The following KCNIP4 variants were observed in gnomAD, a reference collection of about 807,000 sequenced individuals.
KCNIP4 encodes potassium voltage-gated channel interacting protein 4, also known as Kv channel-interacting protein 4.
Under a neutral mutation model 34.0 loss-of-function variants are expected in KCNIP4, and 12 were observed. That is an observed-to-expected ratio of 0.35 (90% CI 0.23 to 0.57). KCNIP4 has a LOEUF of 0.57. KCNIP4 is among the 20% of genes least tolerant of loss of function. The probability of loss-of-function intolerance (pLI) is 0.83; values close to 1 mark genes in which losing one functional copy is unlikely to be tolerated. For missense variants in KCNIP4, 238 were observed against 311.7 expected (o/e 0.76, Z 1.78); for synonymous variants, 124 against 102.2 (o/e 1.21, Z -1.29).
intron 1 of KCNIP4, among the ~76,000 whole-genome samples, chr4:21,291,914 A>G (rs1254847196): frequency 1.1e-5 from 1 of 92,364 alleles, no homozygotes; most frequent in Non-Finnish European, 1.9e-5. Flanking sequence ...AAAGAAAGAA[A>G]GAAAGAAAGA....
intron 3 of KCNIP4, among the ~76,000 whole-genome samples, chr4:20,781,583 G>T (rs139179579): frequency 1.3e-5 from 2 of 152,266 alleles, no homozygotes; most frequent in African/African-American, 4.8e-5. Flanking sequence ...GAAGATGAAA[G>T]AATGAAACCT....
chr4:21,076,308 C>T (rs1197997357), intron 1 of KCNIP4, among the ~76,000 whole-genome samples: 2 of 151,986 alleles, frequency 1.3e-5, no homozygotes, highest in Non-Finnish European at 2.9e-5. Flanking sequence ...CCTCATCTCC[C>T]ACATGAATAT....
intron 3 of KCNIP4, among the ~76,000 whole-genome samples, chr4:20,832,301 A>G (rs1210057130): frequency 2.6e-5 from 4 of 152,190 alleles, no homozygotes; most frequent in African/African-American, 9.7e-5. Flanking sequence ...ATAATTGCCT[A>G]GAGTTGAAGT....
rs1211617062 is a variant in KCNIP4 at position 21,291,867 on chromosome 4, AAAAGAAAGAAAGAAAGAAAGAAAGAAAG to A, written c.62-409186_62-409159del. On this transcript the variant is annotated intron_variant, in intron 1 of 8. Coordinates refer to ENST00000382152, the MANE Select transcript of KCNIP4 (RefSeq NM_025221.6). ...AGACTCCGCCTCAAAAAAAAAAAAA[AAAAGAAAGAAAGAAAGAAAGAAAGAAAG>A]AAAGAAAGAAAGAAAGAAAGAAAGA... is the stretch of plus-strand genomic sequence containing the variant. Among the ~76,000 whole-genome samples the A allele has an allele frequency of 5.7e-3, 291 of 51,110 alleles. 20 individuals are homozygous for A. The highest frequency in any genetic ancestry group is 7.3e-3 in the South Asian group (7 of 960). The allele number at this position is 51,110 out of a possible 152,430, so 33.5% of individuals were successfully genotyped here.
intron 1 of KCNIP4, chr4:21,697,482 C>T: frequency 6.6e-7 from 1 of 1,522,574 alleles, no homozygotes. Context: ...GAAGTCTTTG[C>T]CAATAATAAT....
chr4:21,357,919 C>T (rs1718810959), intron 1 of KCNIP4, among the ~76,000 whole-genome samples: 1 of 152,068 alleles, frequency 6.6e-6, no homozygotes, highest in Non-Finnish European at 1.5e-5. Flanking sequence ...GGAACTAACC[C>T]AAATGTCCAT....
At chr4:21,260,118 G>GTT (rs1761372101) in intron 1 of KCNIP4, among the ~76,000 whole-genome samples, 2 of 152,164 alleles carry the variant, frequency 1.3e-5, no homozygotes, top group Admixed American at 6.5e-5. Context: ...AGTTCTGAGA[G>GTT]TTTTGACCTT....
At chr4:20,903,047 T>G (rs1727341958) in intron 1 of KCNIP4, among the ~76,000 whole-genome samples, 1 of 152,170 alleles carries the variant, frequency 6.6e-6, no homozygotes, top group Non-Finnish European at 1.5e-5. Flanking sequence ...TAAAATTAGA[T>G]ATCATAAACC....
chr4:21,900,887 T>G (rs189086148), intron 1 of KCNIP4, among the ~76,000 whole-genome samples: 66 of 152,318 alleles, frequency 4.3e-4, no homozygotes, highest in African/African-American at 1.4e-3. Flanking sequence ...ACAGTTCATC[T>G]TACGAATGTA....
intron 1 of KCNIP4, among the ~76,000 whole-genome samples, chr4:21,413,091 G>A (rs1231971152): frequency 6.6e-6 from 1 of 152,280 alleles, no homozygotes; most frequent in Middle Eastern, 3.4e-3. Flanking sequence ...ACAATAACTG[G>A]TTACAGAATT....
chr4:21,073,441 C>T (rs1009665447), intron 1 of KCNIP4, among the ~76,000 whole-genome samples: 3 of 152,104 alleles, frequency 2.0e-5, no homozygotes, highest in Non-Finnish European at 4.4e-5. Flanking sequence ...ATTTGGCTCT[C>T]TGTTATTGGT....
At chr4:21,275,283 T>C (rs1041512995) in intron 1 of KCNIP4, among the ~76,000 whole-genome samples, 1 of 152,176 alleles carries the variant, frequency 6.6e-6, no homozygotes, top group African/African-American at 2.4e-5. Context: ...GAGTGCTCCT[T>C]TATACCATGA....
chr4:21,106,494 C>T, intron 1 of KCNIP4, among the ~76,000 whole-genome samples: 1 of 151,236 alleles, frequency 6.6e-6, no homozygotes, highest in Non-Finnish European at 1.5e-5. Context: ...CTCTTTTATT[C>T]TTTATTAGTC....
At chr4:21,467,003 A>C (rs573666541) in intron 1 of KCNIP4, among the ~76,000 whole-genome samples, 19 of 152,046 alleles carry the variant, frequency 1.2e-4, no homozygotes, top group East Asian at 1.2e-3. Context: ...CTTTTCTGAA[A>C]TATGTCATGG....
chr4:21,496,267 A>G (rs1732842359), intron 1 of KCNIP4, among the ~76,000 whole-genome samples: 1 of 152,166 alleles, frequency 6.6e-6, no homozygotes, highest in Admixed American at 6.6e-5. Context: ...AGCTAGGGCT[A>G]ATGTATATTG....
chr4:21,389,070 G>T (rs908669433), intron 1 of KCNIP4, among the ~76,000 whole-genome samples: 4 of 150,954 alleles, frequency 2.6e-5, no homozygotes, highest in African/African-American at 9.8e-5. Context: ...TTGCAGCCTT[G>T]ACCTCCCTGG....
At chr4:21,098,974 A>G (rs1255416547) in intron 1 of KCNIP4, among the ~76,000 whole-genome samples, 1 of 152,180 alleles carries the variant, frequency 6.6e-6, no homozygotes, top group Non-Finnish European at 1.5e-5. Flanking sequence ...ACCAACAGAC[A>G]CTGACGAGGC....
At chr4:21,023,526 A>T (rs1030637861) in intron 1 of KCNIP4, among the ~76,000 whole-genome samples, 1 of 152,174 alleles carries the variant, frequency 6.6e-6, no homozygotes, top group Non-Finnish European at 1.5e-5. Context: ...CTGAATATAA[A>T]TTTCTTCCAA....
chr4:21,357,808 C>T (rs1718796058), intron 1 of KCNIP4, among the ~76,000 whole-genome samples: 1 of 152,128 alleles, frequency 6.6e-6, no homozygotes, highest in South Asian at 2.1e-4. Flanking sequence ...ACCCAGCCAT[C>T]CTATTACTGG....
Sources: gnomAD v4.1 joint callset for allele counts (sites outside exome capture counted in the v4.1 genomes callset) on GRCh38, gnomAD v4.1.1 for gene constraint, MANE v1.5 for transcripts, NCBI Gene and HGNC (gene_info 2026-07-23, HGNC 2026-07-21) for gene names.